TNNI2: variants seen among roughly 807,000 people sequenced by gnomAD.
The protein encoded by TNNI2 is troponin I, fast skeletal muscle.
Under a neutral mutation model 26.5 loss-of-function variants are expected in TNNI2, and 14 were observed. The observed-to-expected ratio is 0.53, with a 90% CI of 0.35 to 0.83. The LOEUF is 0.83. TNNI2 is among the 40% of genes least tolerant of loss of function. The probability of loss-of-function intolerance (pLI) is 0.01; values close to 1 mark genes in which losing one functional copy is unlikely to be tolerated. For missense variants in TNNI2, 205 were observed against 248.5 expected (o/e 0.82, Z 1.18); for synonymous variants, 126 against 97.6 (o/e 1.29, Z -1.71).
In TNNI2 at chr11:1,841,678, A is replaced by G. The variant is rs1013835015; in HGVS notation, c.*127A>G. 4.1e-5 allele frequency: 36 copies of G among 874,738 alleles called. No individual in the cohort carries two copies. The South Asian group carries it at 4.9e-4, about 12-fold the overall frequency. 54.2% of individuals were successfully genotyped at this position (874,738 alleles called of 1,614,324 possible). ...CCGTCAATAAAGGATTTGAATCCCC[A>G]TGGCTGGTCTGGTCTGGCTCTCCCC... is the stretch of plus-strand genomic sequence containing the variant. On this transcript the variant is annotated 3_prime_UTR_variant, in exon 8 of 8. Coordinates refer to ENST00000381911, the MANE Select transcript of TNNI2 (RefSeq NM_003282.4).
Position 1,840,439 on chromosome 11 carries a change from C to G in TNNI2, c.52C>G (p.Leu18Val), listed in dbSNP as rs1237854861. The stretch of plus-strand genomic sequence containing the variant: ...GGCCATCACGGCCCGCAGGCAGCAC[C>G]TGAAGGTAGGTGTGGGCTCCCGGGG... ...NRAITARRQH[L>V]KSVMLQIAAT... is the part of the protein sequence containing the mutation. Residue 18 changes from leucine to valine, a missense_variant, in exon 4 of 8, where the codon CTG becomes GTG. Coordinates refer to ENST00000381911, the MANE Select transcript of TNNI2 (RefSeq NM_003282.4). 3.7e-6 allele frequency: 6 copies of G among 1,610,826 alleles called. No individual in the cohort carries two copies. In the Admixed American group the frequency reaches 5.0e-5, roughly 13 times the overall value.
intron 5 of TNNI2, 24 bp from the exon 6 acceptor site, chr11:1,840,795 G>C: frequency 5.6e-6 from 9 of 1,603,642 alleles, no homozygotes; most frequent in African/African-American, 1.3e-5. Flanking sequence ...CAGGACGGCC[G>C]CCCGCCCCCA....
At chr11:1,840,345 G>T in intron 3 of TNNI2, 58 bp from the exon 4 acceptor site, 1 of 1,570,116 alleles carries the variant, frequency 6.4e-7, no homozygotes, top group Non-Finnish European at 8.6e-7. Flanking sequence ...CGTGGAAGGG[G>T]GTGGGGGTGC....
intron 1 of TNNI2, chr11:1,839,406 G>A: frequency 5.8e-6 from 3 of 515,780 alleles, no homozygotes; most frequent in Non-Finnish European, 1.1e-5. Context: ...ACCTGCGCTG[G>A]CCCATCCCAC....
At chr11:1,840,101 T>G (rs1389439410) in intron 3 of TNNI2, 2 of 1,177,216 alleles carry the variant, frequency 1.7e-6, no homozygotes, top group Admixed American at 4.1e-5. Flanking sequence ...TTCTTTCTGA[T>G]TCCTGCACTT....
intron 7 of TNNI2, 93 bp from the exon 8 acceptor site, chr11:1,841,363 A>C: frequency 6.5e-7 from 1 of 1,531,728 alleles, no homozygotes. Context: ...CCACTGCCCA[A>C]TGCAGAGGGT....
At chr11:1,839,420 C>A (rs1006562438) in intron 1 of TNNI2, 19 of 473,686 alleles carry the variant, frequency 4.0e-5, no homozygotes, top group African/African-American at 3.5e-4. Context: ...ATCCCACCCT[C>A]CCTCGGGGAC....
At chr11:1,840,066 G>C in intron 3 of TNNI2, 1 of 1,076,114 alleles carries the variant, frequency 9.3e-7, no homozygotes, top group Admixed American at 2.2e-5. Flanking sequence ...GTGTGGCTGT[G>C]GCCTGGTCAC....
In TNNI2 at chr11:1,840,456, C is replaced by T; in HGVS notation, c.57+12C>T. On this transcript the variant is annotated intron_variant, in intron 4 of 7. Transcript: ENST00000381911. Reference sequence around the variant, plus strand: ...GGCAGCACCTGAAGGTAGGTGTGGGCTCCCGGGGGGGTGGCCCAGGTGGGT... The same window carrying T: ...GGCAGCACCTGAAGGTAGGTGTGGGTTCCCGGGGGGGTGGCCCAGGTGGGT... 1.9e-6 allele frequency: 3 copies of T among 1,610,732 alleles called. No individual in the cohort carries two copies. In the Admixed American group the frequency reaches 5.0e-5, roughly 27 times the overall value.
chr11:1,840,720 C>T lies in TNNI2; in HGVS notation c.186+64C>T, dbSNP rs1357201184. 5.0e-6 allele frequency: 8 copies of T among 1,610,990 alleles called. No individual in the cohort carries two copies. The East Asian group carries it at 1.8e-4, about 36-fold the overall frequency. Reference sequence around the variant, plus strand: ...CAGGCCTGCCTGCTAACTCAGTTTCCCCACTTGTCAAGAGGGCCAGTGGGG... The same window carrying T: ...CAGGCCTGCCTGCTAACTCAGTTTCTCCACTTGTCAAGAGGGCCAGTGGGG... On this transcript the variant is annotated intron_variant, in intron 5 of 7. Coordinates refer to ENST00000381911, the MANE Select transcript of TNNI2 (RefSeq NM_003282.4).
chr11:1,841,005 C>A (rs1469835165), intron 6 of TNNI2, 26 bp from the exon 7 acceptor site: 2 of 1,608,600 alleles, frequency 1.2e-6, no homozygotes, highest in Non-Finnish European at 1.7e-6. Flanking sequence ...GGACCTCGGG[C>A]TCCCACCCGG....
chr11:1,839,445 A>C, intron 1 of TNNI2: 1 of 514,634 alleles, frequency 1.9e-6, no homozygotes, highest in Non-Finnish European at 3.5e-6. Flanking sequence ...GCAGCTCCTC[A>C]GGCTATGCCT....
Position 1,839,041 on chromosome 11 carries a change from C to T in TNNI2, c.-23+8C>T, listed in dbSNP as rs1231224077. 6.5e-6 allele frequency: 1 copy of T among 152,672 alleles called. No homozygotes were observed. The allele number at this position is 152,672 out of a possible 1,614,324, so 9.5% of individuals were successfully genotyped here. On this transcript the variant is annotated splice_region_variant and intron_variant, in intron 1 of 7. Coordinates refer to ENST00000381911, the MANE Select transcript of TNNI2 (RefSeq NM_003282.4). ...CTGCTGCCCAGATTCTAGGTGAGGCCCAGCCCGGCCCGCCGAGGCCGGGGG... is the reference window on the plus strand; with the variant it reads ...CTGCTGCCCAGATTCTAGGTGAGGCTCAGCCCGGCCCGCCGAGGCCGGGGG...
chr11:1,840,945 G>A (rs1196056964), intron 6 of TNNI2, 37 bp downstream of exon 6: 20 of 1,602,992 alleles, frequency 1.2e-5, no homozygotes, highest in Non-Finnish European at 1.7e-5. Flanking sequence ...AGGCGGGTAG[G>A]CGGTGGCCCA....
rs914710120 is a variant in TNNI2, at chr11:1,839,675, G to C, written c.-22G>C. 4 of 1,613,518 alleles carry C rather than the reference G, an allele frequency of 2.5e-6. No individual in the cohort carries two copies. Among genetic ancestry groups the C allele is most frequent in the African/African-American group, 1.3e-5 (1 of 74,850 alleles). The stretch of plus-strand genomic sequence containing the variant: ...CACCTCTGTCTTCCTCTCCCCACAG[G>C]CTCCAAGCTCAGGACCTCAGGATGG... On this transcript the variant is annotated splice_region_variant and 5_prime_UTR_variant, in exon 2 of 8. Coordinates refer to ENST00000381911, the MANE Select transcript of TNNI2 (RefSeq NM_003282.4).
At chr11:1,840,467 G>T (rs1323408997) in intron 4 of TNNI2, 23 bp downstream of exon 4, 2 of 1,610,382 alleles carry the variant, frequency 1.2e-6, no homozygotes, top group Non-Finnish European at 1.7e-6. Context: ...TCCCGGGGGG[G>T]TGGCCCAGGT....
At chr11:1,839,646 C>A in intron 1 of TNNI2, 29 bp from the exon 2 acceptor site, 2 of 1,612,836 alleles carry the variant, frequency 1.2e-6, no homozygotes, top group East Asian at 2.2e-5. Context: ...AAGGGCCTGG[C>A]CAACACCTCT....
intron 2 of TNNI2, 53 bp from the exon 3 acceptor site, chr11:1,839,796 C>T: frequency 1.2e-6 from 2 of 1,613,522 alleles, no homozygotes; most frequent in South Asian, 2.2e-5. Context: ...CAGCCATGGC[C>T]CTAACCTCTG....
chr11:1,840,298 T>C (rs1847133409), intron 3 of TNNI2, 105 bp from the exon 4 acceptor site: 2 of 1,546,426 alleles, frequency 1.3e-6, no homozygotes, highest in Non-Finnish European at 1.7e-6. Context: ...CAGGCTCTGC[T>C]GGTCCCGGAG....
Sources: gnomAD v4.1 joint callset for allele counts on GRCh38, gnomAD v4.1.1 for gene constraint, MANE v1.5 for transcripts, NCBI Gene and HGNC (gene_info 2026-07-23, HGNC 2026-07-21) for gene names.